Variants in CHRDL1 observed in about 807,000 individuals in gnomAD.
The protein encoded by CHRDL1 is chordin like 1.
Under a neutral mutation model 40.9 loss-of-function variants are expected in CHRDL1, and 19 were observed. The observed-to-expected ratio is 0.46, with a 90% CI of 0.32 to 0.68. The LOEUF is 0.68. CHRDL1 is among the 30% of genes least tolerant of loss of function. The pLI is 0.03. For synonymous variants in CHRDL1, 136 were observed against 123.4 expected, an observed-to-expected ratio of 1.10 and a Z score of -0.68; for missense variants, 329 against 352.1, an observed-to-expected ratio of 0.93 and a Z score of 0.53.
chrX:110,685,507 T>G lies in CHRDL1; in HGVS notation c.988+3087A>C, dbSNP rs186313795. On this transcript the variant is annotated intron_variant, in intron 9 of 11. Transcript: ENST00000372042. Reference sequence around the variant, plus strand: ...TGAACTCCTGGGCTCAAGCAATCTGTCCGCCTCGGACTCCCAAAGTGCTGG... The same window carrying G: ...TGAACTCCTGGGCTCAAGCAATCTGGCCGCCTCGGACTCCCAAAGTGCTGG... Among the ~76,000 whole-genome samples, 33 of 111,683 alleles carry G rather than the reference T, an allele frequency of 3.0e-4. No individual in the cohort carries two copies. The East Asian group carries it at 8.7e-3, about 30-fold the overall frequency.
chrX:110,774,340 T>A (rs959578850), intron 2 of CHRDL1, among the ~76,000 whole-genome samples: 1 of 111,960 alleles, frequency 8.9e-6, no homozygotes, highest in Non-Finnish European at 1.9e-5. Flanking sequence ...CAGGATCTCT[T>A]CCTTTTGTAT....
chrX:110,753,030 A>G (rs1341008677), intron 4 of CHRDL1, among the ~76,000 whole-genome samples: 1 of 111,619 alleles, frequency 9.0e-6, no homozygotes, highest in Non-Finnish European at 1.9e-5. Context: ...TAAAATTACC[A>G]TAAGACCCAG....
intron 6 of CHRDL1, among the ~76,000 whole-genome samples, chrX:110,704,844 A>C (rs774279736): frequency 4.5e-5 from 5 of 111,528 alleles, no homozygotes; most frequent in Non-Finnish European, 9.4e-5. Flanking sequence ...TTCAAGCCTA[A>C]TTTAAGTAGT....
intron 6 of CHRDL1, among the ~76,000 whole-genome samples, chrX:110,710,770 G>A (rs1379167882): frequency 1.8e-5 from 2 of 111,945 alleles, no homozygotes; most frequent in Non-Finnish European, 3.8e-5. Flanking sequence ...TTTAGATGAG[G>A]AGAGGTAGGT....
chrX:110,744,286 G>A (rs947720692), intron 4 of CHRDL1, among the ~76,000 whole-genome samples: 2 of 112,325 alleles, frequency 1.8e-5, no homozygotes, highest in African/African-American at 6.5e-5. Context: ...AACATTGTAA[G>A]TTCAGTTTGG....
intron 9 of CHRDL1, among the ~76,000 whole-genome samples, chrX:110,681,881 G>C (rs2069905730): frequency 8.9e-6 from 1 of 112,421 alleles, no homozygotes; most frequent in Non-Finnish European, 1.9e-5. Context: ...ACGTAACTTT[G>C]ATTGAAGTCC....
intron 4 of CHRDL1, among the ~76,000 whole-genome samples, chrX:110,755,997 C>T (rs2089446054): frequency 8.9e-6 from 1 of 111,868 alleles, no homozygotes; most frequent in East Asian, 2.8e-4. Flanking sequence ...TTAACAGCCA[C>T]GGTGTTCAAA....
At chrX:110,740,823 A>C (rs1046419431) in intron 4 of CHRDL1, among the ~76,000 whole-genome samples, 1 of 112,222 alleles carries the variant, frequency 8.9e-6, no homozygotes, top group Non-Finnish European at 1.9e-5. Context: ...TGTGTCTAGA[A>C]CAGGGGTTAT....
chrX:110,724,920 G>A (rs2071028170), intron 4 of CHRDL1, among the ~76,000 whole-genome samples: 1 of 111,879 alleles, frequency 8.9e-6, no homozygotes, highest in South Asian at 3.8e-4. Context: ...TTCCAAGGTG[G>A]CTGGGCTAGT....
At chrX:110,725,763 G>A (rs976216688) in intron 4 of CHRDL1, among the ~76,000 whole-genome samples, 10 of 111,848 alleles carry the variant, frequency 8.9e-5, no homozygotes, top group Non-Finnish European at 1.7e-4. Context: ...TCTCCTTGAC[G>A]CCAAGCCATC....
At position 110,720,529 on chromosome X, in the gene CHRDL1, A is replaced by C. The variant is rs1375614128; in HGVS notation, c.448-601T>G. ...ATGTTATTCCTTAAACCTTGTTCTT[A>C]GTTCTTAGAAGCACATTCTTTTGGG... is the stretch of plus-strand genomic sequence containing the variant. On this transcript the variant is annotated intron_variant, in intron 5 of 11. Coordinates refer to ENST00000372042, the MANE Select transcript of CHRDL1 (RefSeq NM_001143981.2). 3.6e-5 allele frequency among the ~76,000 whole-genome samples: 4 copies of C among 112,068 alleles called. No homozygotes were observed. In the East Asian group the frequency reaches 8.4e-4, roughly 23 times the overall value.
chrX:110,790,199 G>C (rs2090076246), intron 2 of CHRDL1, among the ~76,000 whole-genome samples: 1 of 111,897 alleles, frequency 8.9e-6, no homozygotes, highest in Admixed American at 9.5e-5. Flanking sequence ...CACACATAAT[G>C]ATGCTCAGTG....
rs937263596 is a variant in CHRDL1, at chrX:110,776,301, T to C, written c.95-13494A>G. Among the ~76,000 whole-genome samples, 4 of 111,978 alleles carry C rather than the reference T, an allele frequency of 3.6e-5. No homozygotes were observed. The South Asian group carries it at 1.1e-3, about 31-fold the overall frequency. On this transcript the variant is annotated intron_variant, in intron 2 of 11. Transcript: ENST00000372042. The stretch of plus-strand genomic sequence containing the variant: ...TACTGGTGACAAATTCCCTCAATTT[T>C]TGTCTGAGAAAGTCTTTATTTATCA...
At chrX:110,714,588 G>C (rs1001688909) in intron 6 of CHRDL1, among the ~76,000 whole-genome samples, 1 of 111,210 alleles carries the variant, frequency 9.0e-6, no homozygotes, top group African/African-American at 3.3e-5. Flanking sequence ...TGAAGTGCTA[G>C]CAATGACACA....
In CHRDL1 at chrX:110,762,684, A is replaced by C; in HGVS notation, c.207+11T>G. ...GCAAACTGGGAAATCACATGTCATG[A>C]GAGATTGTACCTCTGAGCAGATGCA... On this transcript the variant is annotated intron_variant, in intron 3 of 11. Coordinates refer to ENST00000372042, the MANE Select transcript of CHRDL1 (RefSeq NM_001143981.2). 4.9e-6 allele frequency: 5 copies of C among 1,024,236 alleles called. No homozygotes were observed. The highest frequency in any genetic ancestry group is 6.8e-6 in the Non-Finnish European group (5 of 732,425). 84.4% of individuals were successfully genotyped at this position (1,024,236 alleles called of 1,213,427 possible). A position where few individuals can be genotyped will look rare whatever the true frequency, so the allele number is the denominator to read the frequency against.
At chrX:110,720,060 C>A in intron 5 of CHRDL1, 132 bp from the exon 6 acceptor site, 1 of 396,842 alleles carries the variant, frequency 2.5e-6, no homozygotes, top group South Asian at 5.3e-5. Flanking sequence ...CGTCAGTTCT[C>A]GGTACTTCCT....
intron 4 of CHRDL1, among the ~76,000 whole-genome samples, chrX:110,728,165 G>A (rs2071091406): frequency 9.1e-6 from 1 of 109,680 alleles, no homozygotes; most frequent in Admixed American, 9.7e-5. Flanking sequence ...TAAAAATCTG[G>A]AAAGATATAT....
chrX:110,726,713 C>A (rs1268412419), intron 4 of CHRDL1, among the ~76,000 whole-genome samples: 2 of 111,902 alleles, frequency 1.8e-5, no homozygotes, highest in Non-Finnish European at 3.8e-5. Flanking sequence ...GGTAGATGAT[C>A]TTGCTCTAGA....
chrX:110,762,415 A>T (rs1216605214), intron 3 of CHRDL1, among the ~76,000 whole-genome samples: 2 of 111,212 alleles, frequency 1.8e-5, no homozygotes, highest in Non-Finnish European at 3.8e-5. Context: ...TAGCTGAGAC[A>T]ACAGGCATGT....
Sources: allele counts gnomAD v4.1 joint callset (sites outside exome capture counted in the v4.1 genomes callset), GRCh38; gene constraint gnomAD v4.1.1; transcripts MANE v1.5; gene names NCBI Gene and HGNC (gene_info 2026-07-23, HGNC 2026-07-21).